MYH16: variants seen among roughly 807,000 people sequenced by gnomAD.
MYH16 encodes the protein putative uncharacterized protein MYH16.
At chr7:99,294,077 G>A (rs921195343) in exon 33 of MYH16, 14 of 455,928 alleles carry the variant, frequency 3.1e-5, no homozygotes, top group African/African-American at 1.6e-4. Flanking sequence ...GCCCAGGCCC[G>A]GGCCGCCTCC....
chr7:99,277,878 CGTGTGTGTGTGTGTGTGT>C lies in MYH16; in HGVS notation n.2659+188_2659+205del, dbSNP rs61634087. On this transcript the variant is annotated intron_variant and non_coding_transcript_variant, in intron 21 of 41. Transcript: ENST00000439784. The stretch of plus-strand genomic sequence containing the variant: ...ACTTCCAAAAAGTCTCCATCCAATT[CGTGTGTGTGTGTGTGTGT>C]GTGTGTGTGTGTGTGTGTGTGAGAG... Among the ~76,000 whole-genome samples the C allele has an allele frequency of 9.0e-5, 11 of 121,810 alleles. No individual in the cohort carries two copies. The East Asian group carries it at 2.1e-3, about 23-fold the overall frequency. The allele number at this position is 121,810 out of a possible 152,430, so 79.9% of individuals were successfully genotyped here.
chr7:99,242,681 C>G (rs1791679763), intron 1 of MYH16, among the ~76,000 whole-genome samples: 1 of 152,060 alleles, frequency 6.6e-6, no homozygotes, highest in African/African-American at 2.4e-5. Flanking sequence ...AAAAGTTTGG[C>G]TGGTCTGAAG....
At chr7:99,295,423 CCT>C (rs1325661082) in intron 33 of MYH16, among the ~76,000 whole-genome samples, 1 of 152,064 alleles carries the variant, frequency 6.6e-6, no homozygotes. Context: ...TCCCTGTTCC[CCT>C]CTCTCTTACA....
chr7:99,277,998 G>T (rs1373211908), intron 21 of MYH16, among the ~76,000 whole-genome samples: 1 of 151,442 alleles, frequency 6.6e-6, no homozygotes, highest in African/African-American at 2.4e-5. Flanking sequence ...TTGCTGTGTT[G>T]CCCAGGCTGG....
chr7:99,275,875 C>T (rs887641508), intron 20 of MYH16, among the ~76,000 whole-genome samples: 2 of 152,164 alleles, frequency 1.3e-5, no homozygotes, highest in African/African-American at 4.8e-5. Context: ...GGGATTAAGG[C>T]GCCTGCCACC....
At chr7:99,295,095 A>G (rs1792462545) in intron 33 of MYH16, among the ~76,000 whole-genome samples, 1 of 151,864 alleles carries the variant, frequency 6.6e-6, no homozygotes, top group Non-Finnish European at 1.5e-5. Context: ...GTTACATAAT[A>G]CGGCCGGGCG....
chr7:99,260,085 G>A (rs1411070697), intron 11 of MYH16: 5 of 1,307,600 alleles, frequency 3.8e-6, no homozygotes, highest in African/African-American at 3.0e-5. Context: ...TGCTTTGCTT[G>A]TGGTCGCTTC....
chr7:99,297,903 C>A (rs1792526222), exon 36 of MYH16: 1 of 456,540 alleles, frequency 2.2e-6, no homozygotes, highest in Admixed American at 2.3e-5. Context: ...TTGAAGAGAG[C>A]AAGGTGATTC....
chr7:99,295,562 C>G (rs1199604129), intron 33 of MYH16, among the ~76,000 whole-genome samples: 1 of 152,058 alleles, frequency 6.6e-6, no homozygotes, highest in African/African-American at 2.4e-5. Context: ...TGGTCTTGGT[C>G]TAGATGGAAC....
chr7:99,298,655 T>C (rs1260508293), intron 36 of MYH16, among the ~76,000 whole-genome samples: 2 of 152,218 alleles, frequency 1.3e-5, no homozygotes, highest in Non-Finnish European at 2.9e-5. Flanking sequence ...TTTCAAAAAT[T>C]GGATTGCTTC....
intron 36 of MYH16, among the ~76,000 whole-genome samples, chr7:99,298,817 G>A (rs1792544187): frequency 6.7e-6 from 1 of 149,324 alleles, no homozygotes; most frequent in South Asian, 2.2e-4. Context: ...TGCACATTGT[G>A]CAGGTTAGTT....
chr7:99,250,186 T>C (rs1003992174), intron 5 of MYH16: 6 of 152,422 alleles, frequency 3.9e-5, no homozygotes, highest in African/African-American at 1.4e-4. Context: ...ATTTTACAGA[T>C]GAAGAGACTG....
At chr7:99,286,738 C>G (rs1277420959) in intron 28 of MYH16, among the ~76,000 whole-genome samples, 2 of 151,828 alleles carry the variant, frequency 1.3e-5, no homozygotes, top group Admixed American at 1.3e-4. Flanking sequence ...GCAGAAGGAT[C>G]ACTTGAGCCC....
intron 23 of MYH16, 99 bp downstream of exon 5, chr7:99,281,079 G>A (rs544549735): frequency 1.5e-5 from 3 of 201,298 alleles, no homozygotes; most frequent in Admixed American, 6.2e-5. Context: ...TCCTGGCCCT[G>A]CCGCCCCCTC....
At chr7:99,298,385 A>T (rs902326244) in intron 36 of MYH16, among the ~76,000 whole-genome samples, 1 of 152,016 alleles carries the variant, frequency 6.6e-6, no homozygotes, top group African/African-American at 2.4e-5. Context: ...GGCATGTGCC[A>T]CTGTGCCCAG....
chr7:99,288,784 C>G (rs185790775), intron 29 of MYH16, among the ~76,000 whole-genome samples: 8 of 151,892 alleles, frequency 5.3e-5, no homozygotes, highest in Non-Finnish European at 7.4e-5. Flanking sequence ...CACCTTAGAG[C>G]GCTACTGTGA....
intron 27 of MYH16, 143 bp downstream of exon 9, chr7:99,285,581 A>G: frequency 5.1e-6 from 2 of 394,298 alleles, no homozygotes; most frequent in Admixed American, 3.0e-5. Flanking sequence ...TGGAGCACCT[A>G]CTGTGTGCCA....
exon 3 of MYH16, chr7:99,247,627 C>A (rs997158927): frequency 5.2e-6 from 1 of 191,034 alleles, no homozygotes; most frequent in East Asian, 1.2e-4. Flanking sequence ...GACGGTCAAC[C>A]CCTACAAGTG....
exon 38 of MYH16, chr7:99,301,771 G>C (rs949765462): frequency 6.5e-6 from 1 of 152,856 alleles, no homozygotes; most frequent in Non-Finnish European, 1.5e-5. Context: ...AAGTGGTGGA[G>C]ATCACCGAAT....
Sources: allele counts gnomAD v4.1 joint callset (sites outside exome capture counted in the v4.1 genomes callset), GRCh38; gene constraint gnomAD v4.1.1; transcripts MANE v1.5; gene names NCBI Gene and HGNC (gene_info 2026-07-23, HGNC 2026-07-21).